The following DLGAP2 variants were observed in gnomAD, a reference collection of about 807,000 sequenced individuals.
The protein encoded by DLGAP2 is DLG associated protein 2, also known as disks large-associated protein 2.
In DLGAP2, 26 loss-of-function variants were observed where a neutral mutation model predicts 100.3. The ratio of observed to expected loss-of-function variants is 0.26; its 90% CI spans 0.19 to 0.36. DLGAP2 has a LOEUF of 0.36. Among genes scored for constraint, DLGAP2 ranks in the 10% least tolerant of loss-of-function variants. The pLI, the probability that DLGAP2 is intolerant of heterozygous loss-of-function variation, is 1.00. For synonymous variants in DLGAP2, 886 were observed against 630.1 expected, an observed-to-expected ratio of 1.41 and a Z score of -6.08; for missense variants, 1,858 against 1,453.2, an observed-to-expected ratio of 1.28 and a Z score of -4.53.
chr8:870,431 T>C (rs988850189), intron 1 of DLGAP2, among the ~76,000 whole-genome samples: 2 of 152,090 alleles, frequency 1.3e-5, no homozygotes, highest in African/African-American at 4.8e-5. Context: ...TCACTGCTTA[T>C]GTTAGTGGGT....
At chr8:858,868 C>G (rs941876383) in intron 1 of DLGAP2, among the ~76,000 whole-genome samples, 1 of 152,244 alleles carries the variant, frequency 6.6e-6, no homozygotes. Flanking sequence ...GAGTAGCCCT[C>G]GTGTAATCAG....
chr8:1,587,741 T>C (rs1275625937), intron 6 of DLGAP2, among the ~76,000 whole-genome samples: 1 of 152,246 alleles, frequency 6.6e-6, no homozygotes, highest in Non-Finnish European at 1.5e-5. Flanking sequence ...CAAATTTTTA[T>C]AATGTGTAAA....
intron 2 of DLGAP2, among the ~76,000 whole-genome samples, chr8:1,174,785 C>G (rs766584975): frequency 2.0e-5 from 3 of 152,116 alleles, no homozygotes; most frequent in African/African-American, 7.2e-5. Context: ...ATCATCACCA[C>G]CATCATTATC....
intron 6 of DLGAP2, among the ~76,000 whole-genome samples, chr8:1,582,102 ACAGT>A (rs1803295372): frequency 6.6e-6 from 1 of 151,478 alleles, no homozygotes; most frequent in African/African-American, 2.4e-5. Flanking sequence ...CATACACACC[ACAGT>A]CAAACTACCA....
chr8:903,322 A>G (rs1798301075), intron 1 of DLGAP2, among the ~76,000 whole-genome samples: 1 of 152,050 alleles, frequency 6.6e-6, no homozygotes, highest in Non-Finnish European at 1.5e-5. Context: ...CCACTGGTTC[A>G]AACATCAGTT....
At chr8:967,187 C>T (rs1252550362) in intron 2 of DLGAP2, among the ~76,000 whole-genome samples, 2 of 152,250 alleles carry the variant, frequency 1.3e-5, no homozygotes, top group Non-Finnish European at 2.9e-5. Flanking sequence ...GTCATGTGCT[C>T]ATACACTGTA....
At chr8:1,332,726 G>C (rs1295938322) in intron 3 of DLGAP2, among the ~76,000 whole-genome samples, 1 of 152,222 alleles carries the variant, frequency 6.6e-6, no homozygotes, top group African/African-American at 2.4e-5. Context: ...GGTGAGCTCA[G>C]CCTCACCTCT....
chr8:1,047,061 T>C (rs1304206403), intron 2 of DLGAP2, among the ~76,000 whole-genome samples: 1 of 152,142 alleles, frequency 6.6e-6, no homozygotes, highest in Non-Finnish European at 1.5e-5. Context: ...ATTCACAGAG[T>C]TGTGCAGCCA....
chr8:1,345,330 C>G (rs1338797498), intron 3 of DLGAP2, among the ~76,000 whole-genome samples: 1 of 143,648 alleles, frequency 7.0e-6, no homozygotes, highest in Non-Finnish European at 1.5e-5. Flanking sequence ...TTCTGTTTCT[C>G]TTCGCCAAAC....
chr8:1,140,954 G>C (rs980975845), intron 2 of DLGAP2, among the ~76,000 whole-genome samples: 3 of 152,220 alleles, frequency 2.0e-5, no homozygotes, highest in African/African-American at 7.2e-5. Flanking sequence ...CTGCACTCCA[G>C]CCTGGGTGAC....
chr8:1,680,848 A>G (rs1278101910), intron 12 of DLGAP2: 1 of 152,226 alleles, frequency 6.6e-6, no homozygotes, highest in Non-Finnish European at 1.5e-5. Flanking sequence ...AAACACAGAA[A>G]AACTGCATTG....
intron 2 of DLGAP2, among the ~76,000 whole-genome samples, chr8:978,761 G>A (rs550822930): frequency 7.9e-5 from 12 of 152,224 alleles, no homozygotes; most frequent in African/African-American, 2.6e-4. Context: ...GCATTTCAAT[G>A]GTGGGATTTT....
At chr8:1,008,002 G>T (rs1022736956) in intron 2 of DLGAP2, among the ~76,000 whole-genome samples, 2 of 152,294 alleles carry the variant, frequency 1.3e-5, no homozygotes, top group South Asian at 4.1e-4. Context: ...TGTGATGGAT[G>T]AGCAGGGCCC....
chr8:1,635,163 A>T (rs1481645387), intron 8 of DLGAP2, among the ~76,000 whole-genome samples: 1 of 152,234 alleles, frequency 6.6e-6, no homozygotes, highest in Non-Finnish European at 1.5e-5. Context: ...AGTATTGTAT[A>T]TTAGTTATTT....
intron 2 of DLGAP2, among the ~76,000 whole-genome samples, chr8:1,053,589 C>G (rs1378551428): frequency 3.9e-5 from 6 of 152,036 alleles, no homozygotes; most frequent in Non-Finnish European, 7.4e-5. Flanking sequence ...CAGAAACACA[C>G]CAAGCAGAGG....
intron 6 of DLGAP2, among the ~76,000 whole-genome samples, chr8:1,570,749 G>T (rs1465273340): frequency 1.4e-5 from 2 of 147,228 alleles, no homozygotes; most frequent in African/African-American, 2.6e-5. Context: ...TTCTGGGATG[G>T]AGAGGAGAGG....
intron 2 of DLGAP2, among the ~76,000 whole-genome samples, chr8:1,251,041 C>T (rs1280690142): frequency 6.6e-6 from 1 of 152,214 alleles, no homozygotes; most frequent in Non-Finnish European, 1.5e-5. Flanking sequence ...TGTACATCAA[C>T]TATCTGCAGT....
chr8:1,332,944 G>A (rs1413007580), intron 3 of DLGAP2, among the ~76,000 whole-genome samples: 2 of 152,198 alleles, frequency 1.3e-5, no homozygotes, highest in Non-Finnish European at 2.9e-5. Flanking sequence ...GCCCCCAGCA[G>A]CAAGCCTACT....
intron 3 of DLGAP2, among the ~76,000 whole-genome samples, chr8:1,351,020 C>T (rs751655120): frequency 2.0e-4 from 1 of 5,062 alleles, no homozygotes; most frequent in Non-Finnish European, 4.4e-4. Flanking sequence ...GTGTGTGGAA[C>T]GGCCGTGCGG....
Sources: allele counts gnomAD v4.1 joint callset (sites outside exome capture counted in the v4.1 genomes callset), GRCh38; gene constraint gnomAD v4.1.1; transcripts MANE v1.5; gene names NCBI Gene and HGNC (gene_info 2026-07-23, HGNC 2026-07-21).